Variants in WDHD1 observed in about 807,000 individuals in gnomAD.
WDHD1 encodes the protein WD repeat and HMG-box DNA-binding protein 1.
WDHD1 carries 111 observed loss-of-function variants against 135.4 expected under a neutral mutation model. The ratio of observed to expected loss-of-function variants is 0.82; its 90% CI spans 0.70 to 0.96. WDHD1 has a LOEUF of 0.96. Ranked by LOEUF, WDHD1 falls within the 40% of genes least tolerant of loss-of-function variation. The pLI, the probability that WDHD1 is intolerant of heterozygous loss-of-function variation, is 0.00. For missense variants in WDHD1, 1,351 were observed against 1,336.3 expected (o/e 1.01, Z -0.17); for synonymous variants, 434 against 439.0 (o/e 0.99, Z 0.14).
chr14:54,970,380 A>G (rs1230703772), intron 16 of WDHD1, among the ~76,000 whole-genome samples: 1 of 152,184 alleles, frequency 6.6e-6, no homozygotes, highest in East Asian at 1.9e-4. Flanking sequence ...TCGAGCTGAG[A>G]GTCAAATCAA....
At chr14:55,022,240 G>A (rs1000052505) in intron 2 of WDHD1, among the ~76,000 whole-genome samples, 1 of 152,140 alleles carries the variant, frequency 6.6e-6, no homozygotes, top group Non-Finnish European at 1.5e-5. Context: ...TCATTGTCTA[G>A]GTCTTTTTGT....
intron 2 of WDHD1, among the ~76,000 whole-genome samples, chr14:55,013,939 C>T (rs962790343): frequency 5.9e-5 from 9 of 152,028 alleles, no homozygotes; most frequent in African/African-American, 2.2e-4. Flanking sequence ...GTTTCATATA[C>T]ATTAGTTTTT....
In WDHD1 at chr14:55,022,917, C is replaced by T. The variant is rs148321160; in HGVS notation, c.77+3794G>A. 5.4e-3 allele frequency among the ~76,000 whole-genome samples: 815 copies of T among 151,318 alleles called. 25 individuals carry two copies. In the South Asian group the frequency reaches 0.085, roughly 16 times the overall value. On this transcript the variant is annotated intron_variant, in intron 2 of 25. Coordinates refer to ENST00000360586, the MANE Select transcript of WDHD1 (RefSeq NM_007086.4). ...TTGGCTCACTGCAACCTCCACCTCC[C>T]GGGTTCAAGTGATTCTCCTGCTTCA...
chr14:54,941,781 TTATATA>T (rs1403699469), intron 25 of WDHD1, 91 bp from the exon 26 acceptor site: 1 of 1,160,184 alleles, frequency 8.6e-7, no homozygotes, highest in East Asian at 2.6e-5. Context: ...GGTAATATTT[TTATATA>T]TAAAGCAGAA....
intron 3 of WDHD1, among the ~76,000 whole-genome samples, chr14:55,012,250 G>T (rs2042182650): frequency 6.6e-6 from 1 of 152,094 alleles, no homozygotes; most frequent in Non-Finnish European, 1.5e-5. Flanking sequence ...ATTTTAAAAA[G>T]AATATCTAAA....
chr14:55,018,823 G>C (rs1386183420), intron 2 of WDHD1, among the ~76,000 whole-genome samples: 1 of 151,944 alleles, frequency 6.6e-6, no homozygotes, highest in African/African-American at 2.4e-5. Flanking sequence ...TGGGAGGCGA[G>C]ACCAGCCTGA....
In WDHD1 at chr14:55,013,528, T is replaced by A; in HGVS notation, c.146A>T (p.Lys49Met). The change falls in exon 3 of 26, where the codon AAG (lysine) becomes ATG (methionine). Residue 49 changes from lysine (K) to methionine (M), a missense_variant. Lys to Met is a moderately conservative substitution (Grantham distance 95, BLOSUM62 -1). Around this residue, in one of 2 missense-constraint regions of WDHD1, gnomAD observed 1,330 missense variants for 1,296.1 expected, o/e 1.03. Coordinates refer to ENST00000360586, the MANE Select transcript of WDHD1 (RefSeq NM_007086.4). ...IWEDLDDDDP[K>M]FINVGEKAYS... ...TGCCTTTTCTCCAACATTAATGAAC[T>A]TAGGATCATCATCATCCAAGTCTTC... The A allele has an allele frequency of 6.2e-7, 1 of 1,614,066 alleles. No individual in the cohort carries two copies. The highest frequency in any genetic ancestry group is 1.1e-5 in the South Asian group (1 of 91,078).
At chr14:54,948,893 T>G (rs2040983970) in intron 24 of WDHD1, among the ~76,000 whole-genome samples, 1 of 151,998 alleles carries the variant, frequency 6.6e-6, no homozygotes, top group Admixed American at 6.6e-5. Flanking sequence ...CCAGGCAGAG[T>G]CTGGAGTGGG....
At chr14:54,944,677 T>C (rs1035121934) in intron 24 of WDHD1, 9 of 335,604 alleles carry the variant, frequency 2.7e-5, no homozygotes, top group Non-Finnish European at 4.1e-5. Context: ...TGGAGTGCAA[T>C]GGCGCGATCT....
Position 54,939,819 on chromosome 14 carries a change from T to C in WDHD1, c.*1671A>G, listed in dbSNP as rs889405812. 2 of 152,144 alleles carry C rather than the reference T, an allele frequency of 1.3e-5. No homozygotes were observed. The highest frequency in any genetic ancestry group is 2.9e-5 in the Non-Finnish European group (2 of 68,028). The allele number at this position is 152,144 out of a possible 1,614,324, so 9.4% of individuals were successfully genotyped here. The stretch of plus-strand genomic sequence containing the variant: ...ACAGATTATATCCTTAAGCATTAGG[T>C]TGGCACAAAAGAAATCGCGGTTTTT... On this transcript the variant is annotated 3_prime_UTR_variant, in exon 26 of 26. Coordinates refer to ENST00000360586, the MANE Select transcript of WDHD1 (RefSeq NM_007086.4).
chr14:54,980,098 G>A (rs2041592688), intron 16 of WDHD1, among the ~76,000 whole-genome samples: 1 of 152,088 alleles, frequency 6.6e-6, no homozygotes, highest in Non-Finnish European at 1.5e-5. Context: ...GCCGAGGCGG[G>A]AAGATCCCTT....
intron 22 of WDHD1, 151 bp from the exon 23 acceptor site, chr14:54,957,355 T>A (rs2041177542): frequency 1.1e-6 from 1 of 923,972 alleles, no homozygotes; most frequent in Non-Finnish European, 1.6e-6. Context: ...TTAAGAATGA[T>A]ACGTATATTC....
At chr14:55,007,009 C>G (rs1204002679) in intron 7 of WDHD1, among the ~76,000 whole-genome samples, 1 of 151,904 alleles carries the variant, frequency 6.6e-6, no homozygotes, top group Non-Finnish European at 1.5e-5. Flanking sequence ...CGTGGATTGC[C>G]TGAGCTCAGG....
intron 23 of WDHD1, among the ~76,000 whole-genome samples, chr14:54,956,646 A>G (rs2041163630): frequency 6.6e-6 from 1 of 152,140 alleles, no homozygotes. Context: ...TGTCTCAAAA[A>G]AGACAGGGGG....
At chr14:54,948,741 T>A (rs188496740) in intron 24 of WDHD1, among the ~76,000 whole-genome samples, 1 of 152,310 alleles carries the variant, frequency 6.6e-6, no homozygotes, top group Non-Finnish European at 1.5e-5. Context: ...GTAGCCTAAC[T>A]GGGAGGCACC....
chr14:55,025,789 C>T (rs2042426846), intron 2 of WDHD1, among the ~76,000 whole-genome samples: 1 of 152,222 alleles, frequency 6.6e-6, no homozygotes, highest in Non-Finnish European at 1.5e-5. Context: ...TTTGAGCATA[C>T]CATGATCCCT....
intron 24 of WDHD1, among the ~76,000 whole-genome samples, chr14:54,949,155 T>C (rs938532020): frequency 1.3e-5 from 2 of 152,186 alleles, no homozygotes; most frequent in Admixed American, 6.5e-5. Flanking sequence ...GGACGGAGAA[T>C]GACTTTGACG....
chr14:54,948,129 G>C (rs2040964519), intron 24 of WDHD1, among the ~76,000 whole-genome samples: 2 of 152,046 alleles, frequency 1.3e-5, no homozygotes, highest in African/African-American at 4.8e-5. Flanking sequence ...CATGAGCGAT[G>C]CAGAAGACGG....
At chr14:55,004,386 G>A (rs2042028999) in intron 7 of WDHD1, among the ~76,000 whole-genome samples, 2 of 152,060 alleles carry the variant, frequency 1.3e-5, no homozygotes, top group East Asian at 3.9e-4. Context: ...TGAATTATTT[G>A]CATCACTTTT....
Sources: gnomAD v4.1 joint callset for allele counts (sites outside exome capture counted in the v4.1 genomes callset) on GRCh38, gnomAD v4.1.1 for gene constraint, gnomAD v4.1.1 regional missense constraint, MANE v1.5 for transcripts, NCBI Gene and HGNC (gene_info 2026-07-23, HGNC 2026-07-21) for gene names.